The following HCN1 variants were observed in gnomAD, a reference collection of about 807,000 sequenced individuals.
HCN1 encodes the protein hyperpolarization activated cyclic nucleotide gated potassium channel 1.
HCN1 carries 13 observed loss-of-function variants against 78.9 expected under a neutral mutation model. The ratio of observed to expected loss-of-function variants is 0.16; its 90% CI spans 0.11 to 0.26. The LOEUF is 0.26. HCN1 is among the 10% of genes least tolerant of loss of function. The pLI is 1.00. For synonymous variants in HCN1, 552 were observed against 455.5 expected, an observed-to-expected ratio of 1.21 and a Z score of -2.70; for missense variants, 810 against 1,154.3, an observed-to-expected ratio of 0.70 and a Z score of 4.32.
In HCN1 at chr5:45,288,903, G is replaced by A. The variant is rs142635845; in HGVS notation, c.1618+14696C>T. On this transcript the variant is annotated intron_variant, in intron 6 of 7. Transcript: ENST00000303230. Reference sequence around the variant, plus strand: ...GGAAGGCCACATGGGAAAGGAGCAAGCTAGAGACAGAGTTGAAATGAGAAC... The same window carrying A: ...GGAAGGCCACATGGGAAAGGAGCAAACTAGAGACAGAGTTGAAATGAGAAC... Among the ~76,000 whole-genome samples the A allele has an allele frequency of 8.9e-3, 1,358 of 152,102 alleles. 13 individuals are homozygous for A. Among genetic ancestry groups the A allele is most frequent in the Admixed American group, 0.015 (225 of 15,232 alleles).
At chr5:45,304,366 A>G (rs1204437588) in intron 5 of HCN1, among the ~76,000 whole-genome samples, 1 of 151,968 alleles carries the variant, frequency 6.6e-6, no homozygotes, top group Non-Finnish European at 1.5e-5. Flanking sequence ...AAGGTTACAC[A>G]AAGGAAACTC....
chr5:45,388,587 G>A (rs775416246), intron 4 of HCN1, among the ~76,000 whole-genome samples: 3 of 152,046 alleles, frequency 2.0e-5, no homozygotes, highest in Non-Finnish European at 4.4e-5. Context: ...CAGGAAATGT[G>A]GCCCACAAAT....
At chr5:45,444,817 T>A (rs148946082) in intron 3 of HCN1, among the ~76,000 whole-genome samples, 3,621 of 151,108 alleles carry the variant, frequency 0.024, 63 homozygotes, top group South Asian at 0.06. Context: ...TTATTATTAT[T>A]ATACTTTAAG....
intron 6 of HCN1, among the ~76,000 whole-genome samples, chr5:45,296,772 A>G (rs1381126656): frequency 1.3e-5 from 2 of 151,990 alleles, no homozygotes; most frequent in Non-Finnish European, 2.9e-5. Flanking sequence ...GGTCATCACT[A>G]TTGATCCTGG....
At chr5:45,316,833 A>T (rs1187561136) in intron 5 of HCN1, among the ~76,000 whole-genome samples, 1 of 152,192 alleles carries the variant, frequency 6.6e-6, no homozygotes. Flanking sequence ...AAGAGAATAA[A>T]ATACCTAGGA....
chr5:45,686,026 T>G (rs543742034), intron 1 of HCN1, among the ~76,000 whole-genome samples: 1 of 152,086 alleles, frequency 6.6e-6, no homozygotes, highest in Non-Finnish European at 1.5e-5. Flanking sequence ...AGAGCATAAC[T>G]TCTAAGCACT....
intron 1 of HCN1, among the ~76,000 whole-genome samples, chr5:45,652,246 T>C (rs1332480590): frequency 6.6e-6 from 1 of 152,016 alleles, no homozygotes; most frequent in Non-Finnish European, 1.5e-5. Flanking sequence ...ATTAAAAATC[T>C]TATATTGCTT....
At chr5:45,484,638 C>T (rs760138404) in intron 2 of HCN1, among the ~76,000 whole-genome samples, 5 of 152,098 alleles carry the variant, frequency 3.3e-5, no homozygotes, top group Non-Finnish European at 5.9e-5. Context: ...ACTAGTGGAG[C>T]TGAGAATAAG....
intron 2 of HCN1, among the ~76,000 whole-genome samples, chr5:45,605,985 G>C (rs1041840267): frequency 3.4e-5 from 5 of 148,206 alleles, no homozygotes; most frequent in African/African-American, 7.3e-5. Flanking sequence ...ATACTTGATG[G>C]GAAATATTAG....
intron 4 of HCN1, among the ~76,000 whole-genome samples, chr5:45,393,777 C>T (rs973915054): frequency 6.6e-6 from 1 of 152,138 alleles, no homozygotes; most frequent in East Asian, 1.9e-4. Flanking sequence ...TAAAAAGATG[C>T]TAAGTAAGGA....
At chr5:45,533,950 A>C (rs1742912563) in intron 2 of HCN1, among the ~76,000 whole-genome samples, 1 of 152,204 alleles carries the variant, frequency 6.6e-6, no homozygotes, top group Non-Finnish European at 1.5e-5. Context: ...GGAGGGGAGA[A>C]GAGAGAACAA....
At chr5:45,308,605 C>A (rs1325055121) in intron 5 of HCN1, among the ~76,000 whole-genome samples, 1 of 151,984 alleles carries the variant, frequency 6.6e-6, no homozygotes, top group Non-Finnish European at 1.5e-5. Context: ...TGTGGTCTGT[C>A]ATAAGAAGAC....
chr5:45,372,063 TA>T (rs1417978479), intron 4 of HCN1, among the ~76,000 whole-genome samples: 3 of 57,736 alleles, frequency 5.2e-5, no homozygotes, highest in East Asian at 6.5e-4. Flanking sequence ...AATATAATTA[TA>T]TTATATATTA....
intron 5 of HCN1, among the ~76,000 whole-genome samples, chr5:45,307,675 G>C (rs1362162660): frequency 1.3e-5 from 2 of 152,094 alleles, no homozygotes; most frequent in Non-Finnish European, 2.9e-5. Context: ...AAATTTGGAA[G>C]AAACTGTCCC....
chr5:45,465,720 A>C (rs901783630), intron 2 of HCN1, among the ~76,000 whole-genome samples: 3 of 152,110 alleles, frequency 2.0e-5, no homozygotes, highest in Non-Finnish European at 4.4e-5. Flanking sequence ...ATGCCACTGC[A>C]CTTCAGCCTG....
intron 1 of HCN1, among the ~76,000 whole-genome samples, chr5:45,684,888 C>T (rs1364546237): frequency 6.6e-6 from 1 of 152,056 alleles, no homozygotes; most frequent in African/African-American, 2.4e-5. Context: ...AAAAACTAAT[C>T]AAGTAACTTT....
At chr5:45,614,226 T>C (rs1257468700) in intron 2 of HCN1, among the ~76,000 whole-genome samples, 2 of 152,168 alleles carry the variant, frequency 1.3e-5, no homozygotes, top group Non-Finnish European at 2.9e-5. Context: ...GAAGTCTATA[T>C]TTTCATTTGT....
At chr5:45,677,809 T>C (rs900796733) in intron 1 of HCN1, among the ~76,000 whole-genome samples, 1 of 151,874 alleles carries the variant, frequency 6.6e-6, no homozygotes, top group Non-Finnish European at 1.5e-5. Flanking sequence ...TTGTTTTAAT[T>C]TACATTAAAA....
intron 1 of HCN1, among the ~76,000 whole-genome samples, chr5:45,683,456 AG>A (rs1739743866): frequency 6.6e-6 from 1 of 152,158 alleles, no homozygotes; most frequent in Non-Finnish European, 1.5e-5. Context: ...AAAATAATTT[AG>A]GTTCCTTTCA....
Sources: gnomAD v4.1 joint callset for allele counts (sites outside exome capture counted in the v4.1 genomes callset) on GRCh38, gnomAD v4.1.1 for gene constraint, MANE v1.5 for transcripts, NCBI Gene and HGNC (gene_info 2026-07-23, HGNC 2026-07-21) for gene names.